The following ADAM18 variants were observed in gnomAD, a reference collection of about 807,000 sequenced individuals.
The protein encoded by ADAM18 is disintegrin and metalloproteinase domain-containing protein 18.
In ADAM18, 117 loss-of-function variants were observed where a neutral mutation model predicts 94.4. The ratio of observed to expected loss-of-function variants is 1.24; its 90% CI spans 1.07 to 1.45. The LOEUF is 1.45. Ranked by LOEUF, ADAM18 falls within the 40% of genes most tolerant of loss-of-function variation. The pLI is 0.00. For missense variants in ADAM18, 936 were observed against 880.0 expected, an observed-to-expected ratio of 1.06 and a Z score of -0.81; for synonymous variants, 327 against 291.6, an observed-to-expected ratio of 1.12 and a Z score of -1.24.
intron 7 of ADAM18, among the ~76,000 whole-genome samples, chr8:39,635,442 T>C (rs1272698968): frequency 1.3e-5 from 2 of 152,304 alleles, no homozygotes; most frequent in East Asian, 3.9e-4. Flanking sequence ...TTTAAACTTA[T>C]TATTTTGAAA....
intron 6 of ADAM18, among the ~76,000 whole-genome samples, chr8:39,627,267 A>G (rs1403663771): frequency 1.3e-5 from 2 of 152,096 alleles, no homozygotes; most frequent in African/African-American, 2.4e-5. Flanking sequence ...AGATGAAGGA[A>G]GAGCAAAGGG....
At chr8:39,614,606 T>C (rs1819383355) in intron 6 of ADAM18, among the ~76,000 whole-genome samples, 1 of 152,152 alleles carries the variant, frequency 6.6e-6, no homozygotes, top group Non-Finnish European at 1.5e-5. Flanking sequence ...GGATCAAATC[T>C]GCACATATCA....
chr8:39,670,294 CA>C (rs1355703870), intron 14 of ADAM18, among the ~76,000 whole-genome samples: 2 of 152,040 alleles, frequency 1.3e-5, no homozygotes, highest in Non-Finnish European at 2.9e-5. Flanking sequence ...CTAGGATCTC[CA>C]AAAAACTAGT....
chr8:39,624,755 A>G (rs752986104), intron 6 of ADAM18, among the ~76,000 whole-genome samples: 5 of 152,126 alleles, frequency 3.3e-5, no homozygotes, highest in Non-Finnish European at 5.9e-5. Context: ...TTCTCGTGGT[A>G]GAGTTCTCAG....
Position 39,627,873 on chromosome 8 carries a change from A to G in ADAM18, c.523-1501A>G, listed in dbSNP as rs886069748. 2.0e-5 allele frequency among the ~76,000 whole-genome samples: 3 copies of G among 152,096 alleles called. No individual in the cohort carries two copies. The East Asian group carries it at 5.8e-4, about 29-fold the overall frequency. On this transcript the variant is annotated intron_variant, in intron 6 of 19. Transcript: ENST00000265707. ...ATATTGACATTTTGTTTTAAGATGT[A>G]CAACTCCTTTTAGCATTTCTTCTAG...
At chr8:39,609,329 G>A (rs1438159035) in intron 4 of ADAM18, among the ~76,000 whole-genome samples, 156 bp from the exon 5 acceptor site, 1 of 151,928 alleles carries the variant, frequency 6.6e-6, no homozygotes, top group Non-Finnish European at 1.5e-5. Flanking sequence ...AAAATAAAGA[G>A]AATTGTCACA....
intron 10 of ADAM18, among the ~76,000 whole-genome samples, chr8:39,643,761 T>A (rs1386302860): frequency 6.6e-6 from 1 of 151,882 alleles, no homozygotes; most frequent in Non-Finnish European, 1.5e-5. Context: ...AAGTTCTTTC[T>A]GTGTCTCTGT....
In ADAM18 at chr8:39,584,628, C is replaced by T. The variant is rs1818341444; in HGVS notation, c.6C>T (p.Phe2=). 6.2e-7 allele frequency: 1 copy of T among 1,612,990 alleles called. No individual in the cohort carries two copies. Among genetic ancestry groups the T allele is most frequent in the African/African-American group, 1.3e-5 (1 of 74,934 alleles). ...TCCTGCGCTCTGGCTGAGCCATGTTCCTTCTCCTCGCCCTCCTCACTGAGC... is the reference window on the plus strand; with the variant it reads ...TCCTGCGCTCTGGCTGAGCCATGTTTCTTCTCCTCGCCCTCCTCACTGAGC... M[F]LLLALLTELG... The change falls in exon 1 of 20, where the codon TTC becomes TTT. Residue 2 remains phenylalanine (F), a synonymous_variant. Transcript: ENST00000265707.
chr8:39,728,217 T>C (rs912123021), intron 19 of ADAM18, among the ~76,000 whole-genome samples: 1 of 152,188 alleles, frequency 6.6e-6, no homozygotes, highest in Non-Finnish European at 1.5e-5. Flanking sequence ...CTGGGGATTA[T>C]AATCCAGCAT....
At chr8:39,631,077 G>T (rs1010972039) in intron 7 of ADAM18, among the ~76,000 whole-genome samples, 2 of 151,740 alleles carry the variant, frequency 1.3e-5, no homozygotes, top group Admixed American at 1.3e-4. Context: ...TTACTATTTT[G>T]TGGGGATTCC....
At chr8:39,611,058 A>G (rs1278269430) in intron 6 of ADAM18, 11 of 1,022,778 alleles carry the variant, frequency 1.1e-5, no homozygotes, top group Non-Finnish European at 1.3e-5. Context: ...ACCTGAACAT[A>G]TCTTTCTAAA....
chr8:39,670,826 A>G (rs1235094382), intron 14 of ADAM18, among the ~76,000 whole-genome samples: 3 of 152,256 alleles, frequency 2.0e-5, no homozygotes, highest in Non-Finnish European at 1.5e-5. Context: ...ATTTGCCTCA[A>G]CTGCAAAGAG....
chr8:39,659,493 A>T (rs1011677516), intron 12 of ADAM18, among the ~76,000 whole-genome samples: 1 of 152,130 alleles, frequency 6.6e-6, no homozygotes, highest in Non-Finnish European at 1.5e-5. Context: ...TGTAAAAACT[A>T]AGAAGATGGG....
intron 10 of ADAM18, among the ~76,000 whole-genome samples, chr8:39,643,496 G>A (rs1480976588): frequency 6.6e-6 from 1 of 151,952 alleles, no homozygotes; most frequent in Non-Finnish European, 1.5e-5. Context: ...TATATTAGGG[G>A]GTCTGTATTA....
intron 6 of ADAM18, among the ~76,000 whole-genome samples, chr8:39,624,919 G>A (rs922590278): frequency 6.6e-6 from 1 of 152,204 alleles, no homozygotes; most frequent in African/African-American, 2.4e-5. Flanking sequence ...TGTACAGCCT[G>A]TGGAACCGTA....
intron 15 of ADAM18, among the ~76,000 whole-genome samples, chr8:39,677,927 C>T (rs1821342842): frequency 1.3e-5 from 2 of 152,042 alleles, no homozygotes; most frequent in Non-Finnish European, 2.9e-5. Context: ...TTTGTTTTTG[C>T]TAATTGTGTC....
At chr8:39,691,827 T>C (rs922001138) in intron 16 of ADAM18, among the ~76,000 whole-genome samples, 1 of 151,984 alleles carries the variant, frequency 6.6e-6, no homozygotes, top group African/African-American at 2.4e-5. Flanking sequence ...CTAGAGCATC[T>C]GATATTTGCT....
At chr8:39,678,311 A>G (rs527834572) in intron 15 of ADAM18, among the ~76,000 whole-genome samples, 1 of 152,344 alleles carries the variant, frequency 6.6e-6, no homozygotes, top group African/African-American at 2.4e-5. Flanking sequence ...CAGTTCCTTT[A>G]TTAAGATGAG....
At chr8:39,722,371 G>T (rs1259475515) in intron 18 of ADAM18, among the ~76,000 whole-genome samples, 1 of 150,182 alleles carries the variant, frequency 6.7e-6, no homozygotes, top group Non-Finnish European at 1.5e-5. Flanking sequence ...CATGTCTTTT[G>T]CAGCAACATG....
Sources: gnomAD v4.1 joint callset for allele counts (sites outside exome capture counted in the v4.1 genomes callset) on GRCh38, gnomAD v4.1.1 for gene constraint, MANE v1.5 for transcripts, NCBI Gene and HGNC (gene_info 2026-07-23, HGNC 2026-07-21) for gene names.